CSMD1: variants seen among roughly 807,000 people sequenced by gnomAD.
CSMD1 encodes the protein CUB and sushi domain-containing protein 1.
In CSMD1, 213 loss-of-function variants were observed where a neutral mutation model predicts 417.5. The ratio of observed to expected loss-of-function variants is 0.51; its 90% CI spans 0.46 to 0.57. CSMD1 has a LOEUF of 0.57. CSMD1 is among the 20% of genes least tolerant of loss of function. The probability of loss-of-function intolerance (pLI) is 0.00; values close to 1 mark genes in which losing one functional copy is unlikely to be tolerated. For missense variants in CSMD1, 6,923 were observed against 4,529.7 expected (o/e 1.53, Z -15.17); for synonymous variants, 2,862 against 1,736.8 (o/e 1.65, Z -16.11).
At chr8:4,291,341 T>C (rs190172291) in intron 3 of CSMD1, among the ~76,000 whole-genome samples, 25 of 152,252 alleles carry the variant, frequency 1.6e-4, no homozygotes, top group Non-Finnish European at 2.5e-4. Flanking sequence ...TTCCTTTAAA[T>C]TGATAAATTA....
intron 23 of CSMD1, among the ~76,000 whole-genome samples, chr8:3,329,695 G>A (rs911089883): frequency 4.6e-5 from 7 of 152,226 alleles, no homozygotes; most frequent in East Asian, 1.9e-4. Context: ...GCCCAGCCCC[G>A]GGGCCGCATG....
chr8:3,495,616 T>C (rs1000591208), intron 10 of CSMD1, among the ~76,000 whole-genome samples: 5 of 152,214 alleles, frequency 3.3e-5, no homozygotes, highest in Admixed American at 6.5e-5. Context: ...TGGTCTTGCA[T>C]AGACAGCTTT....
At chr8:4,800,540 T>G (rs920769323) in intron 1 of CSMD1, among the ~76,000 whole-genome samples, 5 of 152,194 alleles carry the variant, frequency 3.3e-5, no homozygotes, top group Non-Finnish European at 7.3e-5. Context: ...AGAGTGATTT[T>G]TAAGAAGAGT....
At position 4,729,438 on chromosome 8, in the gene CSMD1, G is replaced by A. The variant is rs562622888; in HGVS notation, c.86-91880C>T. Reference sequence around the variant, plus strand: ...CCACAACTTCTTCAAAGAGATTTGCGGCAGAGGGGAGCAGAGAAATGATCA... The same window carrying A: ...CCACAACTTCTTCAAAGAGATTTGCAGCAGAGGGGAGCAGAGAAATGATCA... On this transcript the variant is annotated intron_variant, in intron 1 of 69. Coordinates refer to ENST00000635120, the MANE Select transcript of CSMD1 (RefSeq NM_033225.6). Among the ~76,000 whole-genome samples the A allele has an allele frequency of 2.1e-3, 326 of 152,264 alleles. 1 individual carries two copies. The highest frequency in any genetic ancestry group is 3.9e-3 in the Non-Finnish European group (263 of 68,024).
intron 29 of CSMD1, among the ~76,000 whole-genome samples, chr8:3,217,713 T>A (rs1361439748): frequency 6.6e-6 from 1 of 152,206 alleles, no homozygotes; most frequent in Non-Finnish European, 1.5e-5. Flanking sequence ...CTAAATTGTA[T>A]AATTTTTAAA....
At chr8:2,958,295 C>T (rs1052267430) in intron 62 of CSMD1, among the ~76,000 whole-genome samples, 7 of 152,254 alleles carry the variant, frequency 4.6e-5, no homozygotes, top group South Asian at 2.1e-4. Context: ...ATGTCTGAGG[C>T]GTCTTCCTCA....
chr8:3,717,314 G>C (rs949888427), intron 6 of CSMD1, among the ~76,000 whole-genome samples: 2 of 152,102 alleles, frequency 1.3e-5, no homozygotes. Flanking sequence ...TAATGAACTT[G>C]TATGTCAGTT....
At chr8:4,679,643 C>T (rs1805913193) in intron 1 of CSMD1, among the ~76,000 whole-genome samples, 1 of 152,084 alleles carries the variant, frequency 6.6e-6, no homozygotes. Flanking sequence ...AAGATAATAT[C>T]TTACTAGGAA....
At position 4,877,590 on chromosome 8, in the gene CSMD1, C is replaced by T. The variant is rs1217330149; in HGVS notation, c.85+116742G>A. 2.0e-5 allele frequency among the ~76,000 whole-genome samples: 3 copies of T among 152,040 alleles called. No individual in the cohort carries two copies. The South Asian group carries it at 6.2e-4, about 31-fold the overall frequency. ...GTTACCCATGCCATTTACTCATAACCATTTCTCCCATCTCACTTTCCTAAT... is the reference window on the plus strand; with the variant it reads ...GTTACCCATGCCATTTACTCATAACTATTTCTCCCATCTCACTTTCCTAAT... On this transcript the variant is annotated intron_variant, in intron 1 of 69. Transcript: ENST00000635120.
intron 1 of CSMD1, among the ~76,000 whole-genome samples, chr8:4,784,879 C>G (rs555885674): frequency 2.7e-4 from 41 of 152,262 alleles, no homozygotes; most frequent in African/African-American, 8.9e-4. Context: ...GAGGTCTATT[C>G]CAGCCCTTGA....
At chr8:3,096,412 A>T (rs1815300942) in intron 47 of CSMD1, among the ~76,000 whole-genome samples, 2 of 151,798 alleles carry the variant, frequency 1.3e-5, no homozygotes, top group South Asian at 2.1e-4. Flanking sequence ...TGATGGTTTT[A>T]AAAATGGGAT....
intron 12 of CSMD1, among the ~76,000 whole-genome samples, chr8:3,452,798 C>T (rs1296074460): frequency 6.6e-6 from 1 of 152,090 alleles, no homozygotes; most frequent in Non-Finnish European, 1.5e-5. Context: ...TGTGTCTCTG[C>T]CAGGCTTTGG....
intron 1 of CSMD1, among the ~76,000 whole-genome samples, chr8:4,978,974 T>TA (rs1810722870): frequency 6.6e-6 from 1 of 152,140 alleles, no homozygotes. Context: ...AAAAAATAAC[T>TA]CTGGAGAAAG....
At chr8:4,518,680 C>G (rs2056663) in intron 2 of CSMD1, among the ~76,000 whole-genome samples, 16,247 of 151,012 alleles carry the variant, frequency 0.11, 1,097 homozygotes, top group Admixed American at 0.17. Flanking sequence ...GACGAGTTAA[C>G]GGTGCAGCAC....
chr8:4,079,782 CT>C (rs1368246276), intron 3 of CSMD1, among the ~76,000 whole-genome samples: 1 of 152,048 alleles, frequency 6.6e-6, no homozygotes, highest in African/African-American at 2.4e-5. Context: ...CCCATGTTCT[CT>C]TTTCATCAGG....
chr8:4,229,773 C>T (rs10094300), intron 3 of CSMD1, among the ~76,000 whole-genome samples: 63,304 of 151,972 alleles, frequency 0.42, 15,207 homozygotes, highest in Non-Finnish European at 0.55. Context: ...ATGCGACCCA[C>T]TAAGTGTTTC....
intron 10 of CSMD1, among the ~76,000 whole-genome samples, chr8:3,554,485 G>A (rs1257008403): frequency 2.0e-5 from 3 of 152,146 alleles, no homozygotes; most frequent in South Asian, 4.1e-4. Flanking sequence ...GGGGAAGGGA[G>A]GGTGGAAGGG....
At chr8:3,901,691 T>C (rs548660058) in intron 5 of CSMD1, among the ~76,000 whole-genome samples, 1 of 152,356 alleles carries the variant, frequency 6.6e-6, no homozygotes. Context: ...AACAACTTTA[T>C]TAGATTTTGA....
intron 9 of CSMD1, among the ~76,000 whole-genome samples, chr8:3,579,305 A>T (rs11989954): frequency 0.011 from 1,710 of 151,762 alleles, 23 homozygotes; most frequent in African/African-American, 0.038. Context: ...GTTAAGTATA[A>T]AATAGGTTTG....
Sources: allele counts gnomAD v4.1 joint callset (sites outside exome capture counted in the v4.1 genomes callset), GRCh38; gene constraint gnomAD v4.1.1; transcripts MANE v1.5; gene names NCBI Gene and HGNC (gene_info 2026-07-23, HGNC 2026-07-21).